The following TAPBP variants were observed in gnomAD, a reference collection of about 807,000 sequenced individuals.
TAPBP encodes the protein tapasin.
TAPBP carries 38 observed loss-of-function variants against 45.7 expected under a neutral mutation model. The observed-to-expected ratio is 0.83, with a 90% CI of 0.64 to 1.09. The LOEUF (loss-of-function observed/expected upper bound fraction) is 1.09. TAPBP is among the 50% of genes least tolerant of loss of function. TAPBP has a pLI of 0.00. For synonymous variants in TAPBP, 226 were observed against 254.8 expected (o/e 0.89, Z 1.08); for missense variants, 513 against 587.3 (o/e 0.87, Z 1.31).
chr6:33,310,556 C>G (rs761469496), intron 3 of TAPBP, among the ~76,000 whole-genome samples: 1 of 144,534 alleles, frequency 6.9e-6, no homozygotes, highest in African/African-American at 2.6e-5. Flanking sequence ...GCAGCTCACA[C>G]GTGTAATCCC....
chr6:33,312,861 GA>G (rs1723471946), intron 3 of TAPBP, among the ~76,000 whole-genome samples: 1 of 152,084 alleles, frequency 6.6e-6, no homozygotes, highest in African/African-American at 2.4e-5. Flanking sequence ...TCCTGCTTCT[GA>G]ACCCCTCCCA....
chr6:33,313,431 G>A lies in TAPBP; in HGVS notation c.255C>T (p.Gly85=). 6.3e-7 allele frequency: 1 copy of A among 1,598,732 alleles called. No homozygotes were observed. Among genetic ancestry groups the A allele is most frequent in the Non-Finnish European group, 8.5e-7 (1 of 1,170,384 alleles). The part of the protein sequence containing the change: ...LQAAFRRYPR[G]APAPHCEMSR... ...TCATCTCGCAGTGTGGTGCGGGGGC[G>A]CCCCGGGGATACCGCCTGAAGGCAG... Residue 85 remains glycine, a synonymous_variant, in exon 3 of 8, where the codon GGC becomes GGT. Coordinates refer to ENST00000434618, the MANE Select transcript of TAPBP (RefSeq NM_003190.5). The surrounding 1 kb of genome is among the most constrained non-coding windows in gnomAD (Gnocchi z 7.2).
chr6:33,311,411 C>T (rs1769333579), intron 3 of TAPBP, among the ~76,000 whole-genome samples: 1 of 152,106 alleles, frequency 6.6e-6, no homozygotes, highest in Non-Finnish European at 1.5e-5. Context: ...GGAGGATCAC[C>T]TGAAGTTGGG....
intron 7 of TAPBP, among the ~76,000 whole-genome samples, chr6:33,302,956 ATTG>A (rs1350819458): frequency 6.6e-6 from 1 of 152,064 alleles, no homozygotes; most frequent in Non-Finnish European, 1.5e-5. Context: ...AATTTCTTAT[ATTG>A]TTTACATGTT....
chr6:33,311,631 AAAAT>A (rs946750480), intron 3 of TAPBP, among the ~76,000 whole-genome samples: 10 of 151,632 alleles, frequency 6.6e-5, no homozygotes, highest in Admixed American at 2.6e-4. Context: ...CTCTGTCTCA[AAAAT>A]AAATAAATAA....
intron 3 of TAPBP, among the ~76,000 whole-genome samples, chr6:33,310,019 C>G (rs1298474477): frequency 1.3e-5 from 2 of 150,718 alleles, no homozygotes; most frequent in African/African-American, 4.9e-5. Flanking sequence ...CCACTGCGCC[C>G]AGCATTTTTT....
chr6:33,309,756 C>A (rs1342762189), intron 3 of TAPBP, among the ~76,000 whole-genome samples: 3 of 135,948 alleles, frequency 2.2e-5, no homozygotes, highest in Admixed American at 7.7e-5. Flanking sequence ...GACAGTTTCA[C>A]GCTTGTTGCC....
At chr6:33,308,842 C>A (rs1176345231) in intron 3 of TAPBP, among the ~76,000 whole-genome samples, 2 of 151,934 alleles carry the variant, frequency 1.3e-5, no homozygotes, top group Admixed American at 6.6e-5. Flanking sequence ...AGATTGGAGA[C>A]CCCTGATCTA....
At chr6:33,303,919 G>C (rs763017435) in intron 7 of TAPBP, 36 bp downstream of exon 7, 1 of 1,614,068 alleles carries the variant, frequency 6.2e-7, no homozygotes. Context: ...GAGATAAAGT[G>C]ACAAGGGAAA....
chr6:33,305,528 C>T lies in TAPBP; in HGVS notation c.470-141G>A. 1 of 985,028 alleles carries T rather than the reference C, an allele frequency of 1.0e-6. No homozygotes were observed. 61.0% of individuals were successfully genotyped at this position (985,028 alleles called of 1,614,324 possible). ...AGAGGACACCTTTTCTGATACTCAC[C>T]ATTTCCTAGCCCTCCCTGCAAACTC... On this transcript the variant is annotated intron_variant, in intron 3 of 7. Coordinates refer to ENST00000434618, the MANE Select transcript of TAPBP (RefSeq NM_003190.5). The surrounding 1 kb of genome is among the most constrained non-coding windows in gnomAD (Gnocchi z 4.4).
chr6:33,302,606 C>G (rs546102565), intron 7 of TAPBP, among the ~76,000 whole-genome samples: 7 of 151,098 alleles, frequency 4.6e-5, no homozygotes, highest in Admixed American at 2.0e-4. Context: ...GGATTACAGG[C>G]GTGAACCAAC....
chr6:33,303,762 G>C, intron 7 of TAPBP, 193 bp downstream of exon 7: 1 of 1,551,868 alleles, frequency 6.4e-7, no homozygotes, highest in Non-Finnish European at 8.7e-7. Flanking sequence ...CTACACCCAA[G>C]GAAACATATA....
intron 3 of TAPBP, among the ~76,000 whole-genome samples, chr6:33,308,540 A>G (rs1769127396): frequency 6.6e-6 from 1 of 152,064 alleles, no homozygotes; most frequent in South Asian, 2.1e-4. Flanking sequence ...GCCTAGTAGA[A>G]GTGGTCATCA....
intron 3 of TAPBP, among the ~76,000 whole-genome samples, chr6:33,311,290 C>G (rs1769322948): frequency 6.6e-6 from 1 of 152,112 alleles, no homozygotes; most frequent in Admixed American, 6.5e-5. Flanking sequence ...CAACTGCACT[C>G]TAGCCTGGGC....
Position 33,313,456 on chromosome 6 carries a change from G to A in TAPBP, c.230C>T (p.Ala77Val). The A allele has an allele frequency of 6.3e-7, 1 of 1,581,372 alleles. No individual in the cohort carries two copies. Among genetic ancestry groups the A allele is most frequent in the Non-Finnish European group, 8.6e-7 (1 of 1,160,650 alleles). ...SVHDPAGALQAAFRRYPRGAP... is the reference protein window; with the variant it reads ...SVHDPAGALQVAFRRYPRGAP... ...GCCCCGGGGATACCGCCTGAAGGCA[G>A]CCTGGAGGGCGCCCGCGGGGTCTGA... Residue 77 changes from alanine (A) to valine (V), a missense_variant, in exon 3 of 8, where the codon GCT becomes GTT. Coordinates refer to ENST00000434618, the MANE Select transcript of TAPBP (RefSeq NM_003190.5). The surrounding 1 kb of genome is among the most constrained non-coding windows in gnomAD (Gnocchi z 7.2).
chr6:33,304,684 G>C (rs1191013020), intron 4 of TAPBP, 46 bp from the exon 5 acceptor site: 1 of 1,508,202 alleles, frequency 6.6e-7, no homozygotes, highest in Non-Finnish European at 8.8e-7. Context: ...AGTCCATACT[G>C]TCCTCCCTAA....
In TAPBP at chr6:33,305,360, G is replaced by C; in HGVS notation, c.497C>G (p.Pro166Arg). The C allele has an allele frequency of 3.9e-6, 6 of 1,534,272 alleles. No homozygotes were observed. The highest frequency in any genetic ancestry group is 1.4e-5 in the African/African-American group (1 of 72,448). Residue 166 changes from proline to arginine, a missense_variant, in exon 4 of 8, where the codon CCT (proline) becomes CGT (arginine). By Grantham distance (103) the Pro-to-Arg change is moderately radical (BLOSUM62 -2). Transcript: ENST00000434618. This position sits in a 1 kb window ranked among gnomAD's most constrained non-coding sequence, Gnocchi z 4.4. ...TTGTCCCAGTCTCACTCGAGGGGCA[G>C]GGGTGTGGGTGAGGACAGTCAGTAC... ...TVVLTVLTHT[P>R]APRVRLGQDA...
At chr6:33,303,890 G>A (rs770677589) in intron 7 of TAPBP, 65 bp downstream of exon 7, 2 of 1,613,958 alleles carry the variant, frequency 1.2e-6, no homozygotes, top group South Asian at 2.2e-5. Context: ...TCCCTCCATG[G>A]GTTTTGAGAT....
intron 3 of TAPBP, among the ~76,000 whole-genome samples, chr6:33,312,364 C>G (rs1435283937): frequency 2.0e-5 from 3 of 152,098 alleles, no homozygotes; most frequent in Non-Finnish European, 4.4e-5. Context: ...TGGGGTTGCC[C>G]TGTCCATCGG....
Sources: allele counts gnomAD v4.1 joint callset (sites outside exome capture counted in the v4.1 genomes callset), GRCh38; gene constraint gnomAD v4.1.1; non-coding constraint Gnocchi (gnomAD v3.1); transcripts MANE v1.5; gene names NCBI Gene and HGNC (gene_info 2026-07-23, HGNC 2026-07-21).